Variants in KCNC2 observed in about 807,000 individuals in gnomAD.
KCNC2 encodes the protein potassium voltage-gated channel subfamily C member 2, also known as voltage-gated potassium channel KCNC2.
In KCNC2, 21 loss-of-function variants were observed where a neutral mutation model predicts 44.5. That is an observed-to-expected ratio of 0.47 (90% CI 0.33 to 0.68). The LOEUF is 0.68. Ranked by LOEUF, KCNC2 falls within the 30% of genes least tolerant of loss-of-function variation. KCNC2 has a pLI of 0.01. For missense variants in KCNC2, 589 were observed against 826.2 expected, an observed-to-expected ratio of 0.71 and a Z score of 3.52; for synonymous variants, 391 against 339.1, an observed-to-expected ratio of 1.15 and a Z score of -1.68.
intron 2 of KCNC2, among the ~76,000 whole-genome samples, chr12:75,121,868 C>T (rs1369034676): frequency 6.6e-6 from 1 of 152,028 alleles, no homozygotes; most frequent in Non-Finnish European, 1.5e-5. Flanking sequence ...AAAGTGAGGC[C>T]CTTTTTATTA....
At chr12:75,080,688 C>G (rs758868309) in intron 2 of KCNC2, among the ~76,000 whole-genome samples, 12 of 152,016 alleles carry the variant, frequency 7.9e-5, no homozygotes, top group Non-Finnish European at 1.8e-4. Flanking sequence ...GAATCTGGCC[C>G]CTTTAGCATA....
chr12:75,114,790 A>G (rs1489786849), intron 2 of KCNC2, among the ~76,000 whole-genome samples: 2 of 151,646 alleles, frequency 1.3e-5, no homozygotes, highest in East Asian at 1.9e-4. Flanking sequence ...GTCTTTTAGA[A>G]TACACGGAGT....
intron 2 of KCNC2, among the ~76,000 whole-genome samples, chr12:75,056,307 A>G (rs1368733341): frequency 1.3e-5 from 2 of 152,078 alleles, no homozygotes; most frequent in African/African-American, 4.8e-5. Context: ...TAAAATATAA[A>G]GGAAGAAAAA....
At chr12:75,113,764 T>C (rs1164593527) in intron 2 of KCNC2, among the ~76,000 whole-genome samples, 1 of 152,206 alleles carries the variant, frequency 6.6e-6, no homozygotes, top group African/African-American at 2.4e-5. Context: ...TTATCTATTT[T>C]GTATCTTGAT....
intron 2 of KCNC2, among the ~76,000 whole-genome samples, chr12:75,132,740 T>G (rs1888943349): frequency 1.3e-5 from 2 of 152,152 alleles, no homozygotes; most frequent in African/African-American, 4.8e-5. Flanking sequence ...TGTATTTTCT[T>G]ACATGATTAA....
At chr12:75,054,010 G>A (rs1166880072) in intron 2 of KCNC2, among the ~76,000 whole-genome samples, 1 of 151,340 alleles carries the variant, frequency 6.6e-6, no homozygotes, top group Non-Finnish European at 1.5e-5. Flanking sequence ...GTCGCTTGAG[G>A]TCAGGAGTTC....
At chr12:75,188,395 A>T (rs2029884380) in intron 2 of KCNC2, among the ~76,000 whole-genome samples, 2 of 152,228 alleles carry the variant, frequency 1.3e-5, no homozygotes, top group Non-Finnish European at 2.9e-5. Flanking sequence ...TTTAGCAAAT[A>T]AAAATATAAG....
At chr12:75,063,810 T>C (rs1465514214) in intron 2 of KCNC2, among the ~76,000 whole-genome samples, 1 of 152,130 alleles carries the variant, frequency 6.6e-6, no homozygotes, top group Non-Finnish European at 1.5e-5. Context: ...TTATAATTTC[T>C]GATGAACATG....
chr12:75,124,542 G>A (rs1034403650), intron 2 of KCNC2, among the ~76,000 whole-genome samples: 5 of 152,238 alleles, frequency 3.3e-5, no homozygotes, highest in African/African-American at 1.2e-4. Flanking sequence ...GCAGAAATAA[G>A]CCATGGCACA....
chr12:75,133,370 T>C (rs1210995676), intron 2 of KCNC2, among the ~76,000 whole-genome samples: 1 of 151,838 alleles, frequency 6.6e-6, no homozygotes, highest in Admixed American at 6.6e-5. Flanking sequence ...CTTGTAACAA[T>C]GTATCACATA....
intron 2 of KCNC2, among the ~76,000 whole-genome samples, chr12:75,196,684 G>GT (rs1385575159): frequency 6.6e-6 from 1 of 152,006 alleles, no homozygotes; most frequent in East Asian, 1.9e-4. Context: ...TTCATATTTA[G>GT]CGTATTCAGT....
intron 2 of KCNC2, among the ~76,000 whole-genome samples, chr12:75,189,192 G>A (rs144608207): frequency 6.6e-6 from 1 of 152,212 alleles, no homozygotes; most frequent in African/African-American, 2.4e-5. Context: ...TTGAAGACTG[G>A]GAGCTACTTT....
At chr12:75,168,051 G>A (rs926548290) in intron 2 of KCNC2, among the ~76,000 whole-genome samples, 3 of 151,232 alleles carry the variant, frequency 2.0e-5, no homozygotes, top group Non-Finnish European at 4.4e-5. Flanking sequence ...ATTTGGAATT[G>A]CTATCTTTAA....
chr12:75,084,817 A>ATTG (rs1884857670), intron 2 of KCNC2, among the ~76,000 whole-genome samples: 1 of 151,888 alleles, frequency 6.6e-6, no homozygotes, highest in Non-Finnish European at 1.5e-5. Flanking sequence ...CTATTTAAGC[A>ATTG]TATTCATTGA....
intron 2 of KCNC2, among the ~76,000 whole-genome samples, chr12:75,155,686 G>GA (rs1890708403): frequency 6.6e-6 from 1 of 151,622 alleles, no homozygotes; most frequent in Non-Finnish European, 1.5e-5. Context: ...CCTAACTAGA[G>GA]AGGGTGCTTA....
rs150238373 is a variant in KCNC2 at position 75,065,842 on chromosome 12, A to G, written c.688-14525T>C. On this transcript the variant is annotated intron_variant, in intron 2 of 4. Coordinates refer to ENST00000549446, the MANE Select transcript of KCNC2 (RefSeq NM_139137.4). Reference sequence around the variant, plus strand: ...ACAAATATTTATAATATTGCCAGTTATTATTAGTTTTCTCTAAAATTTTAA... The same window carrying G: ...ACAAATATTTATAATATTGCCAGTTGTTATTAGTTTTCTCTAAAATTTTAA... Among the ~76,000 whole-genome samples, 859 of 152,230 alleles carry G rather than the reference A, an allele frequency of 5.6e-3. 11 individuals carry two copies. Among genetic ancestry groups the G allele is most frequent in the Non-Finnish European group, 8.4e-3 (574 of 67,970 alleles).
chr12:75,120,280 A>C (rs1312663510), intron 2 of KCNC2, among the ~76,000 whole-genome samples: 1 of 152,212 alleles, frequency 6.6e-6, no homozygotes, highest in African/African-American at 2.4e-5. Flanking sequence ...TTTATGTTGC[A>C]GTATAGACCA....
At chr12:75,129,893 T>A (rs1888707242) in intron 2 of KCNC2, among the ~76,000 whole-genome samples, 1 of 152,210 alleles carries the variant, frequency 6.6e-6, no homozygotes, top group Non-Finnish European at 1.5e-5. Context: ...TTGATAAGTA[T>A]CTAAAGAAAC....
At chr12:75,054,029 C>G (rs1009787595) in intron 2 of KCNC2, among the ~76,000 whole-genome samples, 1 of 151,158 alleles carries the variant, frequency 6.6e-6, no homozygotes, top group Non-Finnish European at 1.5e-5. Flanking sequence ...TCAAGACCAT[C>G]CTGGCCAACA....
Sources: allele counts gnomAD v4.1 joint callset (sites outside exome capture counted in the v4.1 genomes callset), GRCh38; gene constraint gnomAD v4.1.1; transcripts MANE v1.5; gene names NCBI Gene and HGNC (gene_info 2026-07-23, HGNC 2026-07-21).